The following ERBIN variants were observed in gnomAD, a reference collection of about 807,000 sequenced individuals.
ERBIN encodes the protein densin-180-like protein.
Under a neutral mutation model 158.4 loss-of-function variants are expected in ERBIN, and 60 were observed. That is an observed-to-expected ratio of 0.38 (90% CI 0.31 to 0.47). The LOEUF (loss-of-function observed/expected upper bound fraction) is 0.47. ERBIN is among the 20% of genes least tolerant of loss of function. The pLI, the probability that ERBIN is intolerant of heterozygous loss-of-function variation, is 0.99. For missense variants in ERBIN, 1,610 were observed against 1,648.0 expected, an observed-to-expected ratio of 0.98 and a Z score of 0.40; for synonymous variants, 594 against 557.2, an observed-to-expected ratio of 1.07 and a Z score of -0.93.
Position 65,936,486 on chromosome 5 carries a change from C to T in ERBIN, c.-58+9680C>T, listed in dbSNP as rs1482029169. Among the ~76,000 whole-genome samples the T allele has an allele frequency of 3.9e-5, 6 of 152,168 alleles. No homozygotes were observed. In the East Asian group the frequency reaches 7.7e-4, roughly 20 times the overall value. On this transcript the variant is annotated intron_variant, in intron 1 of 25. Coordinates refer to ENST00000284037, the MANE Select transcript of ERBIN (RefSeq NM_001253697.2). ...TAGCAGGGACTGTATATAGTAGATG[C>T]TTTTTGATTTGTCGTGGATACCTGG... is the stretch of plus-strand genomic sequence containing the variant.
intron 4 of ERBIN, among the ~76,000 whole-genome samples, chr5:66,008,674 T>C (rs2151095080): frequency 6.6e-6 from 1 of 152,320 alleles, no homozygotes; most frequent in South Asian, 2.1e-4. Flanking sequence ...GGAAATAATA[T>C]CTTTTACTTG....
chr5:66,012,581 G>A (rs1286154156), intron 5 of ERBIN, among the ~76,000 whole-genome samples: 1 of 152,212 alleles, frequency 6.6e-6, no homozygotes, highest in Admixed American at 6.5e-5. Context: ...ATTGGTTGCA[G>A]TGTATCAGAA....
intron 1 of ERBIN, among the ~76,000 whole-genome samples, chr5:65,970,083 A>G (rs1749080671): frequency 6.6e-6 from 1 of 151,992 alleles, no homozygotes; most frequent in African/African-American, 2.4e-5. Flanking sequence ...ATGACATTTT[A>G]ATTGTCTACG....
rs112034095 is a variant in ERBIN at position 65,966,961 on chromosome 5, A to G, written c.-57-21674A>G. Among the ~76,000 whole-genome samples the G allele has an allele frequency of 3.4e-4, 52 of 152,226 alleles. 3 individuals are homozygous for G. Among genetic ancestry groups the G allele is most frequent in the African/African-American group, 1.0e-3 (43 of 41,570 alleles). On this transcript the variant is annotated intron_variant, in intron 1 of 25. Transcript: ENST00000284037. Reference sequence around the variant, plus strand: ...AAAAAAATTTCTTTTAAATAGGAAGAAAAAAGCATATAAAATAAGGATATA... The same window carrying G: ...AAAAAAATTTCTTTTAAATAGGAAGGAAAAAGCATATAAAATAAGGATATA...
intron 1 of ERBIN, among the ~76,000 whole-genome samples, chr5:65,966,866 A>AG (rs1748694065): frequency 2.0e-5 from 3 of 152,028 alleles, no homozygotes; most frequent in Admixed American, 2.0e-4. Context: ...AATGATCCTG[A>AG]CCCTGTATAG....
intron 1 of ERBIN, among the ~76,000 whole-genome samples, chr5:65,975,135 A>G (rs1749712583): frequency 6.6e-6 from 1 of 151,986 alleles, no homozygotes; most frequent in African/African-American, 2.4e-5. Context: ...AGCCTCTCGA[A>G]TAGCTGGGAT....
At chr5:65,982,719 A>G (rs548147618) in intron 1 of ERBIN, among the ~76,000 whole-genome samples, 1 of 152,332 alleles carries the variant, frequency 6.6e-6, no homozygotes, top group East Asian at 1.9e-4. Context: ...TTGGAATTCT[A>G]TTTGCTGGGA....
chr5:65,984,634 A>G (rs1035564012), intron 1 of ERBIN: 1 of 152,366 alleles, frequency 6.6e-6, no homozygotes, highest in Admixed American at 6.5e-5. Flanking sequence ...AGTTCTGCTG[A>G]CACTTTGGCC....
At chr5:65,977,958 G>GGGGAGGGGGAGA (rs1554051877) in intron 1 of ERBIN, among the ~76,000 whole-genome samples, 1 of 145,856 alleles carries the variant, frequency 6.9e-6, no homozygotes, top group Admixed American at 6.7e-5. Context: ...GAGAGGGTTA[G>GGGGAGGGGGAGA]GGGAGAGGGA....
chr5:66,080,283 A>C lies in ERBIN; in HGVS notation c.*1753A>C, dbSNP rs982544579. 1 of 152,550 alleles carries C rather than the reference A, an allele frequency of 6.6e-6. No individual in the cohort carries two copies. Among genetic ancestry groups the C allele is most frequent in the African/African-American group, 2.4e-5 (1 of 41,456 alleles). The allele number at this position is 152,550 out of a possible 1,614,324, so 9.4% of individuals were successfully genotyped here. On this transcript the variant is annotated 3_prime_UTR_variant, in exon 26 of 26. Transcript: ENST00000284037. ...TGAACTCAAATATTGCACTTCTTTC[A>C]AGATGTTATCAATTGGTTATTGTAC...
intron 21 of ERBIN, among the ~76,000 whole-genome samples, chr5:66,066,753 G>A (rs1235743829): frequency 2.6e-5 from 4 of 152,122 alleles, no homozygotes; most frequent in South Asian, 2.1e-4. Flanking sequence ...TAAGTGTTAC[G>A]TTCACTCGTT....
intron 1 of ERBIN, among the ~76,000 whole-genome samples, chr5:65,961,718 T>G (rs974017618): frequency 6.6e-6 from 1 of 152,198 alleles, no homozygotes; most frequent in Admixed American, 6.5e-5. Context: ...GACTTTTTTT[T>G]GTCAGTTCTC....
At chr5:65,998,466 A>T (rs891572121) in intron 4 of ERBIN, among the ~76,000 whole-genome samples, 1 of 151,914 alleles carries the variant, frequency 6.6e-6, no homozygotes, top group Non-Finnish European at 1.5e-5. Flanking sequence ...CTTTAAAGAT[A>T]GTACTGTATT....
At chr5:66,028,925 TAAC>T (rs1756562674) in intron 14 of ERBIN, among the ~76,000 whole-genome samples, 1 of 152,214 alleles carries the variant, frequency 6.6e-6, no homozygotes, top group Non-Finnish European at 1.5e-5. Context: ...TTATTTCACT[TAAC>T]ATAATGTCCT....
chr5:65,952,905 TACC>T (rs1297828704), intron 1 of ERBIN, among the ~76,000 whole-genome samples: 1 of 152,202 alleles, frequency 6.6e-6, no homozygotes, highest in Non-Finnish European at 1.5e-5. Flanking sequence ...GAGTGTCACA[TACC>T]GTACGTCTAA....
At chr5:65,940,516 T>TGGG (rs1336518819) in intron 1 of ERBIN, among the ~76,000 whole-genome samples, 1 of 42,278 alleles carries the variant, frequency 2.4e-5, no homozygotes, top group African/African-American at 1.2e-4. Flanking sequence ...GGGAGGGAGG[T>TGGG]GGGGGGGGTC....
chr5:66,046,953 T>TA (rs981477463), intron 18 of ERBIN, among the ~76,000 whole-genome samples: 1 of 152,098 alleles, frequency 6.6e-6, no homozygotes, highest in East Asian at 1.9e-4. Context: ...GAACTTTTTT[T>TA]AAAAAACAGC....
Position 65,994,827 on chromosome 5 carries a change from C to A in ERBIN, c.270C>A (p.Asn90Lys). 1 of 1,607,866 alleles carries A rather than the reference C, an allele frequency of 6.2e-7. No homozygotes were observed. Among genetic ancestry groups the A allele is most frequent in the Non-Finnish European group, 8.5e-7 (1 of 1,178,214 alleles). Residue 90 changes from asparagine to lysine, a missense_variant, in exon 4 of 26, where the codon AAC becomes AAA. Coordinates refer to ENST00000284037, the MANE Select transcript of ERBIN (RefSeq NM_001253697.2). ...DLTTLPASIA[N>K]LINLRELDVS... ...CAACGTTACCAGCATCCATTGCAAA[C>A]CTTATTAATCTCAGGGAACTGGATG...
intron 7 of ERBIN, among the ~76,000 whole-genome samples, chr5:66,016,268 T>G (rs2151116034): frequency 6.6e-6 from 1 of 152,336 alleles, no homozygotes; most frequent in Admixed American, 6.5e-5. Flanking sequence ...TGTGACTGGT[T>G]TCTAAGATAT....
Sources: allele counts gnomAD v4.1 joint callset (sites outside exome capture counted in the v4.1 genomes callset), GRCh38; gene constraint gnomAD v4.1.1; transcripts MANE v1.5; gene names NCBI Gene and HGNC (gene_info 2026-07-23, HGNC 2026-07-21).